Variants in RAP1A observed in about 807,000 individuals in gnomAD.
RAP1A encodes the protein ras-related protein Rap-1A.
RAP1A carries 6 observed loss-of-function variants against 26.4 expected under a neutral mutation model. The observed-to-expected ratio is 0.23, with a 90% CI of 0.12 to 0.45. The LOEUF (loss-of-function observed/expected upper bound fraction) is 0.45, where lower values mean the gene tolerates loss of function less well. RAP1A is among the 20% of genes least tolerant of loss of function. The probability of loss-of-function intolerance (pLI) is 0.99; values close to 1 mark genes in which losing one functional copy is unlikely to be tolerated. For synonymous variants in RAP1A, 73 were observed against 79.4 expected, an observed-to-expected ratio of 0.92 and a Z score of 0.43; for missense variants, 121 against 217.2, an observed-to-expected ratio of 0.56 and a Z score of 2.78.
chr1:111,584,630 C>T (rs961895885), intron 1 of RAP1A, among the ~76,000 whole-genome samples: 2 of 152,138 alleles, frequency 1.3e-5, no homozygotes, highest in African/African-American at 4.8e-5. Flanking sequence ...ACACTGCATT[C>T]ATACTGTAGA....
chr1:111,657,640 T>G (rs1455924980), intron 1 of RAP1A, among the ~76,000 whole-genome samples: 2 of 152,178 alleles, frequency 1.3e-5, no homozygotes, highest in African/African-American at 4.8e-5. Flanking sequence ...TTGTATATGG[T>G]GGGGCCCAAC....
chr1:111,659,243 A>T (rs1049282999), intron 1 of RAP1A, among the ~76,000 whole-genome samples: 1 of 152,154 alleles, frequency 6.6e-6, no homozygotes, highest in Non-Finnish European at 1.5e-5. Flanking sequence ...CCTATAATAA[A>T]GTTTAATTTA....
At chr1:111,679,483 C>A (rs972412658) in intron 1 of RAP1A, among the ~76,000 whole-genome samples, 6 of 151,012 alleles carry the variant, frequency 4.0e-5, no homozygotes, top group Admixed American at 3.3e-4. Context: ...AGACACTGAG[C>A]TAGCTGTAGG....
At chr1:111,542,359 G>C (rs560736937) in exon 1 of RAP1A, 25 of 328,142 alleles carry the variant, frequency 7.6e-5, no homozygotes, top group African/African-American at 4.3e-4. Flanking sequence ...GTGGGTGAAG[G>C]ACTGTGCCAG....
upstream of RAP1A, among the ~76,000 whole-genome samples, chr1:111,615,119 T>C (rs187937471): frequency 1.3e-5 from 2 of 152,076 alleles, no homozygotes; most frequent in Non-Finnish European, 2.9e-5. Context: ...TTACAGCAAG[T>C]AGTTTGATAT....
At chr1:111,697,893 G>T (rs1210482303) in intron 4 of RAP1A, among the ~76,000 whole-genome samples, 1 of 151,970 alleles carries the variant, frequency 6.6e-6, no homozygotes, top group African/African-American at 2.4e-5. Context: ...ATCTCAAGGG[G>T]CTGGTGACAG....
chr1:111,682,564 A>T (rs1661331456), intron 1 of RAP1A, among the ~76,000 whole-genome samples: 1 of 152,140 alleles, frequency 6.6e-6, no homozygotes, highest in South Asian at 2.1e-4. Context: ...CTTTAAACCA[A>T]CAAAGATTAA....
At chr1:111,545,043 G>T (rs1238561439) in intron 1 of RAP1A, among the ~76,000 whole-genome samples, 7 of 128,992 alleles carry the variant, frequency 5.4e-5, no homozygotes, top group African/African-American at 2.0e-4. Flanking sequence ...TATCCAATTT[G>T]GTACATACCC....
intron 1 of RAP1A, among the ~76,000 whole-genome samples, chr1:111,561,972 G>C (rs1442820098): frequency 6.6e-6 from 1 of 151,960 alleles, no homozygotes; most frequent in East Asian, 1.9e-4. Context: ...GTCATCCCTA[G>C]TTTAAATTTC....
chr1:111,615,089 T>C (rs915857623), upstream of RAP1A, among the ~76,000 whole-genome samples: 2 of 152,046 alleles, frequency 1.3e-5, no homozygotes, highest in African/African-American at 2.4e-5. Context: ...GTTGACTCCT[T>C]TGTAAAAAGT....
At chr1:111,681,536 G>A (rs946078045) in intron 1 of RAP1A, among the ~76,000 whole-genome samples, 9 of 152,154 alleles carry the variant, frequency 5.9e-5, no homozygotes, top group African/African-American at 1.9e-4. Context: ...AACATAGCAC[G>A]AGAACTTTGT....
At chr1:111,653,651 C>T (rs1342015940) in intron 1 of RAP1A, among the ~76,000 whole-genome samples, 1 of 140,596 alleles carries the variant, frequency 7.1e-6, no homozygotes, top group Non-Finnish European at 1.5e-5. Flanking sequence ...CCATTGCACT[C>T]CAGCCTGGGC....
At chr1:111,632,965 C>G (rs1659618845) in intron 1 of RAP1A, among the ~76,000 whole-genome samples, 1 of 149,756 alleles carries the variant, frequency 6.7e-6, no homozygotes, top group African/African-American at 2.5e-5. Flanking sequence ...CCTGCAGGGA[C>G]CTTCAGAGAG....
intron 7 of RAP1A, among the ~76,000 whole-genome samples, chr1:111,709,661 TAAC>T (rs1285838853): frequency 1.2e-4 from 18 of 152,316 alleles, no homozygotes; most frequent in East Asian, 1.9e-4. Flanking sequence ...TACCCGTATA[TAAC>T]AACAAGAGTC....
intron 1 of RAP1A, among the ~76,000 whole-genome samples, chr1:111,629,617 C>T (rs1659507717): frequency 6.6e-6 from 1 of 152,094 alleles, no homozygotes; most frequent in African/African-American, 2.4e-5. Context: ...AAATAAAGTA[C>T]TTATTATTTT....
intron 1 of RAP1A, among the ~76,000 whole-genome samples, chr1:111,658,795 C>T (rs1283396215): frequency 1.3e-5 from 2 of 152,220 alleles, no homozygotes; most frequent in Non-Finnish European, 2.9e-5. Context: ...TACGACCTTA[C>T]TGATTTTCTG....
At chr1:111,670,314 A>G (rs887266705) in intron 1 of RAP1A, among the ~76,000 whole-genome samples, 2 of 151,592 alleles carry the variant, frequency 1.3e-5, no homozygotes, top group African/African-American at 4.8e-5. Context: ...TCTACCAAAA[A>G]TACAAAAAAA....
intron 1 of RAP1A, among the ~76,000 whole-genome samples, chr1:111,576,310 C>A (rs1272129668): frequency 6.6e-6 from 1 of 152,172 alleles, no homozygotes; most frequent in African/African-American, 2.4e-5. Flanking sequence ...GACACAAAAC[C>A]AAATACATCG....
chr1:111,611,350 T>C (rs978409726), intron 1 of RAP1A, among the ~76,000 whole-genome samples: 1 of 152,202 alleles, frequency 6.6e-6, no homozygotes, highest in Non-Finnish European at 1.5e-5. Context: ...TTGGTGTGTA[T>C]TCCTTTATAC....
Sources: allele counts gnomAD v4.1 joint callset (sites outside exome capture counted in the v4.1 genomes callset), GRCh38; gene constraint gnomAD v4.1.1; transcripts MANE v1.5; gene names NCBI Gene and HGNC (gene_info 2026-07-23, HGNC 2026-07-21).